UTRN: variants seen among roughly 807,000 people sequenced by gnomAD.
UTRN encodes the protein utrophin, also known as dystrophin-related protein 1.
In UTRN, 283 loss-of-function variants were observed where a neutral mutation model predicts 463.9. The observed-to-expected ratio is 0.61, with a 90% CI of 0.55 to 0.67. The LOEUF is 0.67. Ranked by LOEUF, UTRN falls within the 30% of genes least tolerant of loss-of-function variation. The probability of loss-of-function intolerance (pLI) is 0.00; values close to 1 mark genes in which losing one functional copy is unlikely to be tolerated. For synonymous variants in UTRN, 1,442 were observed against 1,431.5 expected (o/e 1.01, Z -0.17); for missense variants, 3,922 against 4,084.3 (o/e 0.96, Z 1.08).
chr6:144,416,144 A>T (rs1435416746), intron 3 of UTRN, among the ~76,000 whole-genome samples: 4 of 151,762 alleles, frequency 2.6e-5, no homozygotes, highest in Non-Finnish European at 4.4e-5. Flanking sequence ...TCTTTGATTA[A>T]TCCTATATTT....
At position 144,730,428 on chromosome 6, in the gene UTRN, G is replaced by A. The variant is rs1788393861; in HGVS notation, c.7881G>A (p.Leu2627=). ...CTGTCGACCAGGCCCGAGTTTTCTT[G>A]GCTGATCAGCCAATTGAGGCCCCTG... The part of the protein sequence containing the change: ...LNAVDQARVF[L]ADQPIEAPEE... Residue 2627 remains leucine (L), a synonymous_variant, in exon 54 of 75, where the codon TTG becomes TTA. Coordinates refer to ENST00000367545, the MANE Select transcript of UTRN (RefSeq NM_007124.3). 2 of 1,611,254 alleles carry A rather than the reference G, an allele frequency of 1.2e-6. No homozygotes were observed. The highest frequency in any genetic ancestry group is 1.7e-5 in the Admixed American group (1 of 59,734).
chr6:144,533,218 G>A lies in UTRN; in HGVS notation c.6191G>A (p.Arg2064His), dbSNP rs146501589. Residue 2064 changes from arginine to histidine, a missense_variant, in exon 43 of 75, where the codon CGC (arginine) becomes CAC (histidine). By Grantham distance (29) the Arg-to-His change is conservative. Transcript: ENST00000367545. ...LKEKLAGLNQ[R>H]WDAIVAEVKD... ...GAAAAACTGGCAGGTTTAAACCAAC[G>A]CTGGGATGCAATTGTTGCAGAAGTG... The A allele has an allele frequency of 1.1e-4, 181 of 1,613,998 alleles. No homozygotes were observed. The highest frequency in any genetic ancestry group is 1.6e-4 in the Middle Eastern group (1 of 6,082).
At chr6:144,764,181 A>G (rs1013575577) in intron 58 of UTRN, among the ~76,000 whole-genome samples, 2 of 152,206 alleles carry the variant, frequency 1.3e-5, no homozygotes, top group Non-Finnish European at 2.9e-5. Flanking sequence ...GTACCTTAGG[A>G]TCACTAAACC....
chr6:144,646,343 G>T (rs1204665625), intron 51 of UTRN, among the ~76,000 whole-genome samples: 1 of 152,108 alleles, frequency 6.6e-6, no homozygotes, highest in Admixed American at 6.5e-5. Flanking sequence ...TGCATGTTAA[G>T]TTCCTTTCTT....
At chr6:144,505,602 A>T (rs994813573) in intron 34 of UTRN, among the ~76,000 whole-genome samples, 1 of 152,138 alleles carries the variant, frequency 6.6e-6, no homozygotes, top group African/African-American at 2.4e-5. Flanking sequence ...ATTTGATTGC[A>T]CTGTGGTCTG....
intron 51 of UTRN, among the ~76,000 whole-genome samples, chr6:144,613,745 T>G (rs1415091421): frequency 3.9e-5 from 6 of 151,982 alleles, no homozygotes; most frequent in Non-Finnish European, 7.4e-5. Flanking sequence ...TACTTAAAAT[T>G]TTATTTTAAA....
chr6:144,477,216 G>A (rs998572856), intron 25 of UTRN, among the ~76,000 whole-genome samples: 1 of 152,148 alleles, frequency 6.6e-6, no homozygotes, highest in South Asian at 2.1e-4. Flanking sequence ...TAATAGTGAG[G>A]CTATATATAG....
chr6:144,290,445 C>G (rs2502639), intron 1 of UTRN, among the ~76,000 whole-genome samples: 14,133 of 152,204 alleles, frequency 0.093, 663 homozygotes, highest in African/African-American at 0.11. Context: ...TTTGTCTGCT[C>G]ATGAGAAGAT....
chr6:144,480,964 A>G (rs905464874), intron 26 of UTRN, among the ~76,000 whole-genome samples: 3 of 152,186 alleles, frequency 2.0e-5, no homozygotes, highest in Non-Finnish European at 4.4e-5. Flanking sequence ...TTTTTGAAAG[A>G]TTTAAAAATA....
intron 48 of UTRN, among the ~76,000 whole-genome samples, chr6:144,552,535 T>C (rs1171794170): frequency 6.6e-6 from 1 of 152,240 alleles, no homozygotes; most frequent in Admixed American, 6.5e-5. Flanking sequence ...TTCAGGTGTT[T>C]GTTTTTTTGT....
At chr6:144,629,303 A>G (rs987112475) in intron 51 of UTRN, among the ~76,000 whole-genome samples, 5 of 151,952 alleles carry the variant, frequency 3.3e-5, no homozygotes, top group African/African-American at 1.2e-4. Context: ...CATCATGACC[A>G]TAGACTGTCA....
intron 44 of UTRN, 55 bp downstream of exon 44, chr6:144,537,772 G>C (rs960604739): frequency 6.3e-7 from 1 of 1,574,884 alleles, no homozygotes; most frequent in African/African-American, 1.4e-5. Flanking sequence ...TTATACTTCA[G>C]AGTCACATAC....
chr6:144,503,905 T>A (rs1794460024), intron 34 of UTRN, among the ~76,000 whole-genome samples: 1 of 152,210 alleles, frequency 6.6e-6, no homozygotes, highest in South Asian at 2.1e-4. Flanking sequence ...TTTGTTTGTA[T>A]CCTCTCTTAT....
intron 60 of UTRN, among the ~76,000 whole-genome samples, chr6:144,776,546 T>C (rs1282687209): frequency 6.6e-6 from 1 of 152,172 alleles, no homozygotes; most frequent in Non-Finnish European, 1.5e-5. Flanking sequence ...AACTCATATT[T>C]CGAGAACGTT....
intron 46 of UTRN, among the ~76,000 whole-genome samples, chr6:144,544,905 C>T (rs967354318): frequency 9.2e-5 from 14 of 152,194 alleles, no homozygotes; most frequent in African/African-American, 3.4e-4. Context: ...ACTAGATCAT[C>T]CTTATTGCCA....
chr6:144,573,734 T>C (rs1801170672), intron 50 of UTRN, among the ~76,000 whole-genome samples: 1 of 150,018 alleles, frequency 6.7e-6, no homozygotes, highest in Non-Finnish European at 1.5e-5. Context: ...AGGAATATTA[T>C]GGAAAGATTG....
Position 144,752,142 on chromosome 6 carries a change from T to C in UTRN, c.8355+190T>C, listed in dbSNP as rs555509700. 2.0e-4 allele frequency among the ~76,000 whole-genome samples: 30 copies of C among 152,216 alleles called. 1 individual carries two copies. In the South Asian group the frequency reaches 6.2e-3, roughly 32 times the overall value. On this transcript the variant is annotated intron_variant, in intron 56 of 74. Coordinates refer to ENST00000367545, the MANE Select transcript of UTRN (RefSeq NM_007124.3). Reference sequence around the variant, plus strand: ...CTAAAGGCCTCATTTATTTATAGAGTTTAATTTAATTTTTTGATGTACTAT... The same window carrying C: ...CTAAAGGCCTCATTTATTTATAGAGCTTAATTTAATTTTTTGATGTACTAT...
intron 57 of UTRN, among the ~76,000 whole-genome samples, chr6:144,755,066 A>G (rs1791843533): frequency 6.6e-6 from 1 of 152,200 alleles, no homozygotes; most frequent in Admixed American, 6.6e-5. Context: ...ACATAGTATC[A>G]TATCATCATT....
In UTRN at chr6:144,499,166, A is replaced by C. The variant is rs1793949131; in HGVS notation, c.4594-91A>C. 3.7e-6 allele frequency: 5 copies of C among 1,353,686 alleles called. No homozygotes were observed. In the East Asian group the frequency reaches 1.2e-4, roughly 32 times the overall value. The allele number at this position is 1,353,686 out of a possible 1,614,324, so 83.9% of individuals were successfully genotyped here. Reference sequence around the variant, plus strand: ...ATGTCTTGGGGGTTATATATGAATCAGTTTGGATCTTTAGTTAACATTCTG... The same window carrying C: ...ATGTCTTGGGGGTTATATATGAATCCGTTTGGATCTTTAGTTAACATTCTG... On this transcript the variant is annotated intron_variant, in intron 33 of 74. Coordinates refer to ENST00000367545, the MANE Select transcript of UTRN (RefSeq NM_007124.3).
Sources: allele counts gnomAD v4.1 joint callset (sites outside exome capture counted in the v4.1 genomes callset), GRCh38; gene constraint gnomAD v4.1.1; transcripts MANE v1.5; gene names NCBI Gene and HGNC (gene_info 2026-07-23, HGNC 2026-07-21).